The following PKD1L3 variants were observed in gnomAD, a reference collection of about 807,000 sequenced individuals.
PKD1L3 encodes polycystin 1 like 3, transient receptor potential channel interacting.
PKD1L3 carries 239 observed loss-of-function variants against 184.1 expected under a neutral mutation model. The ratio of observed to expected loss-of-function variants is 1.30; its 90% CI spans 1.17 to 1.45. PKD1L3 has a LOEUF of 1.45. Among genes scored for constraint, PKD1L3 ranks in the 40% most tolerant of loss-of-function variants. PKD1L3 has a pLI of 0.00. For missense variants in PKD1L3, 2,660 were observed against 2,067.2 expected (o/e 1.29, Z -5.56); for synonymous variants, 996 against 778.8 (o/e 1.28, Z -4.64).
chr16:71,993,377 T>A (rs1236368196), intron 2 of PKD1L3, 45 bp from the exon 3 acceptor site: 1 of 1,232,892 alleles, frequency 8.1e-7, no homozygotes, highest in African/African-American at 1.6e-5. Flanking sequence ...GTTATAGCTA[T>A]GGCTACAAGT....
At position 71,955,199 on chromosome 16, in the gene PKD1L3, T is replaced by A. The variant is rs536341629; in HGVS notation, c.2613-898A>T. Among the ~76,000 whole-genome samples, 7 of 152,034 alleles carry A rather than the reference T, an allele frequency of 4.6e-5. No individual in the cohort carries two copies. In the East Asian group the frequency reaches 1.4e-3, roughly 29 times the overall value. Reference sequence around the variant, plus strand: ...GTTCTAGACTGGAGATGTGAAGGGTTGGAATGAAAACAGTAGCAAAACCAG... The same window carrying A: ...GTTCTAGACTGGAGATGTGAAGGGTAGGAATGAAAACAGTAGCAAAACCAG... On this transcript the variant is annotated intron_variant, in intron 16 of 29. Transcript: ENST00000620267.
At chr16:71,930,239 A>G in intron 28 of PKD1L3, 56 bp from the exon 29 acceptor site, 2 of 1,472,916 alleles carry the variant, frequency 1.4e-6, no homozygotes, top group Admixed American at 5.1e-5. Context: ...ATACTTTACA[A>G]ACATAAGCTA....
chr16:71,979,933 G>C, intron 8 of PKD1L3, 21 bp from the exon 9 acceptor site: 5 of 1,550,640 alleles, frequency 3.2e-6, no homozygotes, highest in Non-Finnish European at 4.4e-6. Context: ...AAGTTAAAAT[G>C]GAAGTCAATT....
At chr16:71,956,837 TTGTAAAAAC>T (rs2039068569) in intron 16 of PKD1L3, among the ~76,000 whole-genome samples, 1 of 152,204 alleles carries the variant, frequency 6.6e-6, no homozygotes. Context: ...ATTTTAAAAG[TTGTAAAAAC>T]AGTGTAAACA....
chr16:71,971,448 G>A (rs2039705221), intron 12 of PKD1L3, among the ~76,000 whole-genome samples: 3 of 152,142 alleles, frequency 2.0e-5, no homozygotes, highest in Admixed American at 1.3e-4. Context: ...ATTAAGTCCT[G>A]GAGGCCCAAT....
At chr16:71,932,274 A>T (rs1023059239) in intron 28 of PKD1L3, among the ~76,000 whole-genome samples, 1 of 152,158 alleles carries the variant, frequency 6.6e-6, no homozygotes, top group African/African-American at 2.4e-5. Context: ...GCTTGGTCAT[A>T]TCTACCCTTT....
At chr16:71,934,912 G>C (rs546696996) in intron 26 of PKD1L3, among the ~76,000 whole-genome samples, 1 of 152,306 alleles carries the variant, frequency 6.6e-6, no homozygotes, top group African/African-American at 2.4e-5. Context: ...ACCAGAGAAG[G>C]TGCCCAAAGA....
Position 71,945,266 on chromosome 16 carries a change from CTATATATATATATATATA to C in PKD1L3, c.3719-1114_3719-1097del, listed in dbSNP as rs60469321. 3.6e-3 allele frequency among the ~76,000 whole-genome samples: 232 copies of C among 63,948 alleles called. 4 individuals are homozygous for C. Among genetic ancestry groups the C allele is most frequent in the African/African-American group, 0.013 (221 of 17,158 alleles). The allele number at this position is 63,948 out of a possible 152,430, so 42.0% of individuals were successfully genotyped here. The stretch of plus-strand genomic sequence containing the variant: ...AGGCCTAAGATTCTGAATTTCTTAA[CTATATATATATATATATA>C]TATATATATATATATATATATACAC... On this transcript the variant is annotated intron_variant, in intron 22 of 29. Transcript: ENST00000620267.
chr16:71,994,680 T>C (rs1370228853), intron 2 of PKD1L3, among the ~76,000 whole-genome samples: 1 of 152,152 alleles, frequency 6.6e-6, no homozygotes, highest in Non-Finnish European at 1.5e-5. Flanking sequence ...CCCCTCTTTT[T>C]CCCTACATTT....
At chr16:71,998,420 G>A in intron 1 of PKD1L3, 26 bp from the exon 2 acceptor site, 4 of 1,528,588 alleles carry the variant, frequency 2.6e-6, no homozygotes, top group Non-Finnish European at 3.5e-6. Context: ...ACGCAGATGA[G>A]CCTCATACTC....
intron 2 of PKD1L3, among the ~76,000 whole-genome samples, chr16:71,995,845 T>A (rs752151290): frequency 1.3e-5 from 2 of 152,238 alleles, no homozygotes; most frequent in Non-Finnish European, 2.9e-5. Flanking sequence ...AGATTATATC[T>A]TACTGCATTC....
In PKD1L3 at chr16:71,942,995, T is replaced by C. The variant is rs1164752102; in HGVS notation, c.3889A>G (p.Thr1297Ala). ...VQILFLTLLM[T>A]AIYSAKNSNR... is the part of the protein sequence containing the mutation. ...GAGTTCTTTGCAGAGTAGATTGCAG[T>C]CATCAACAGGGTAAGGAAGAGGATT... Residue 1297 changes from threonine to alanine, a missense_variant, in exon 24 of 30, where the codon ACT becomes GCT. By Grantham distance (58) the Thr-to-Ala change is moderately conservative (BLOSUM62 0). Coordinates refer to ENST00000620267, the MANE Select transcript of PKD1L3 (RefSeq NM_181536.2). The C allele has an allele frequency of 4.5e-6, 7 of 1,551,150 alleles. No individual in the cohort carries two copies. The highest frequency in any genetic ancestry group is 6.1e-6 in the Non-Finnish European group (7 of 1,146,624).
intron 16 of PKD1L3, among the ~76,000 whole-genome samples, chr16:71,957,263 G>A (rs1049603311): frequency 2.6e-5 from 4 of 151,744 alleles, no homozygotes; most frequent in African/African-American, 7.3e-5. Context: ...TTGTGATGGT[G>A]ATTAAAAAAA....
intron 16 of PKD1L3, among the ~76,000 whole-genome samples, chr16:71,961,279 C>T (rs540977582): frequency 2.0e-5 from 3 of 152,058 alleles, no homozygotes; most frequent in South Asian, 2.1e-4. Flanking sequence ...TGCACCACTG[C>T]GCATGGCTAA....
At chr16:71,946,444 G>C (rs914363282) in intron 22 of PKD1L3, among the ~76,000 whole-genome samples, 29 of 151,996 alleles carry the variant, frequency 1.9e-4, no homozygotes, top group Admixed American at 4.6e-4. Flanking sequence ...GACATGCATC[G>C]TTTTTACATG....
chr16:71,995,383 A>T (rs2040750118), intron 2 of PKD1L3, among the ~76,000 whole-genome samples: 1 of 152,176 alleles, frequency 6.6e-6, no homozygotes, highest in Non-Finnish European at 1.5e-5. Flanking sequence ...CCAATGCCAA[A>T]CTATAAAACC....
intron 7 of PKD1L3, among the ~76,000 whole-genome samples, chr16:71,981,501 G>C (rs972187156): frequency 6.9e-6 from 1 of 145,708 alleles, no homozygotes; most frequent in African/African-American, 2.5e-5. Flanking sequence ...ATAACCTGTT[G>C]AGTGTTTGCT....
chr16:71,946,130 G>T (rs1420143036), intron 22 of PKD1L3, among the ~76,000 whole-genome samples: 1 of 152,076 alleles, frequency 6.6e-6, no homozygotes, highest in Non-Finnish European at 1.5e-5. Flanking sequence ...AGCTAATTTT[G>T]TATTTTTAGT....
At chr16:71,969,679 A>T (rs1461140538) in intron 13 of PKD1L3, among the ~76,000 whole-genome samples, 196 bp downstream of exon 13, 2 of 147,650 alleles carry the variant, frequency 1.4e-5, no homozygotes, top group Non-Finnish European at 3.1e-5. Context: ...GAACCAAAGG[A>T]AAAAAAAATA....
Sources: allele counts gnomAD v4.1 joint callset (sites outside exome capture counted in the v4.1 genomes callset), GRCh38; gene constraint gnomAD v4.1.1; transcripts MANE v1.5; gene names NCBI Gene and HGNC (gene_info 2026-07-23, HGNC 2026-07-21).